TENM4: variants seen among roughly 807,000 people sequenced by gnomAD.
TENM4 encodes the protein teneurin-4.
In TENM4, 82 loss-of-function variants were observed where a neutral mutation model predicts 243.3. The observed-to-expected ratio is 0.34, with a 90% confidence interval of 0.28 to 0.40. TENM4 has a LOEUF of 0.40. Among genes scored for constraint, TENM4 ranks in the 10% least tolerant of loss-of-function variants. The probability of loss-of-function intolerance (pLI) is 1.00; values close to 1 mark genes in which losing one functional copy is unlikely to be tolerated. For missense variants in TENM4, 3,138 were observed against 3,673.3 expected, an observed-to-expected ratio of 0.85 and a Z score of 3.77; for synonymous variants, 1,412 against 1,456.3, an observed-to-expected ratio of 0.97 and a Z score of 0.69.
intron 2 of TENM4, among the ~76,000 whole-genome samples, chr11:79,228,590 A>G (rs2135255467): frequency 6.6e-6 from 1 of 152,250 alleles, no homozygotes; most frequent in Non-Finnish European, 1.5e-5. Context: ...GGTGAAGCTG[A>G]ACGCATTTGT....
At chr11:79,235,139 C>T (rs1169945096) in intron 2 of TENM4, among the ~76,000 whole-genome samples, 1 of 152,066 alleles carries the variant, frequency 6.6e-6, no homozygotes, top group Non-Finnish European at 1.5e-5. Flanking sequence ...CGGTGAAACC[C>T]CGTCTCTACT....
At chr11:78,908,731 C>T (rs1856118810) in intron 6 of TENM4, among the ~76,000 whole-genome samples, 1 of 152,202 alleles carries the variant, frequency 6.6e-6, no homozygotes, top group Non-Finnish European at 1.5e-5. Flanking sequence ...AAGATGAAAG[C>T]TCCTTTCTGC....
At chr11:79,396,308 G>A (rs1034263240) in intron 1 of TENM4, among the ~76,000 whole-genome samples, 2 of 152,078 alleles carry the variant, frequency 1.3e-5, no homozygotes, top group Non-Finnish European at 1.5e-5. Flanking sequence ...ATCTCTCATG[G>A]TTCTTTGTAT....
At chr11:79,310,171 T>TGCCAAATGAAACAGAG (rs2135411867) in intron 1 of TENM4, among the ~76,000 whole-genome samples, 1 of 152,154 alleles carries the variant, frequency 6.6e-6, no homozygotes, top group African/African-American at 2.4e-5. Context: ...TAGAAACAGA[T>TGCCAAATGAAACAGAG]GCCAAATGAA....
At chr11:79,431,279 C>G (rs1404711320) in intron 1 of TENM4, among the ~76,000 whole-genome samples, 3 of 152,178 alleles carry the variant, frequency 2.0e-5, no homozygotes, top group Non-Finnish European at 4.4e-5. Flanking sequence ...TCCCTTGTCA[C>G]AAAACACATT....
intron 4 of TENM4, among the ~76,000 whole-genome samples, chr11:79,078,606 C>T (rs180752957): frequency 2.6e-5 from 4 of 152,270 alleles, no homozygotes; most frequent in East Asian, 3.9e-4. Flanking sequence ...GACTGGAATC[C>T]GGGAGCTCTG....
At chr11:79,336,515 G>A (rs571132534) in intron 1 of TENM4, among the ~76,000 whole-genome samples, 1 of 152,158 alleles carries the variant, frequency 6.6e-6, no homozygotes, top group African/African-American at 2.4e-5. Context: ...GAATCGGCTG[G>A]TTATGTGCTT....
At chr11:79,011,981 C>T (rs971334216) in intron 6 of TENM4, among the ~76,000 whole-genome samples, 5 of 152,286 alleles carry the variant, frequency 3.3e-5, no homozygotes, top group South Asian at 2.1e-4. Flanking sequence ...CCCACCTCCA[C>T]GCATCTTTAT....
intron 6 of TENM4, among the ~76,000 whole-genome samples, chr11:79,054,692 C>T (rs572212821): frequency 3.9e-5 from 6 of 152,188 alleles, no homozygotes; most frequent in Middle Eastern, 3.4e-3. Context: ...GCGATCCTCC[C>T]GCCTTGGCCT....
intron 9 of TENM4, among the ~76,000 whole-genome samples, chr11:78,880,660 G>C (rs1238269730): frequency 6.6e-6 from 1 of 152,152 alleles, no homozygotes; most frequent in East Asian, 1.9e-4. Flanking sequence ...ATGATATGGA[G>C]GTCAAGGATA....
chr11:78,671,281 C>T (rs1015832023), intron 31 of TENM4, among the ~76,000 whole-genome samples: 8 of 89,786 alleles, frequency 8.9e-5, no homozygotes, highest in Non-Finnish European at 2.1e-4. Context: ...GGATGACCTC[C>T]AAGGTCTCTC....
At chr11:79,300,873 G>A (rs1255501718) in intron 1 of TENM4, among the ~76,000 whole-genome samples, 2 of 152,084 alleles carry the variant, frequency 1.3e-5, no homozygotes, top group Non-Finnish European at 2.9e-5. Context: ...ACAGAAAAGG[G>A]CACCACCAGA....
chr11:79,438,478 G>A lies in TENM4; in HGVS notation c.-321+2031C>T, dbSNP rs1275544090. Among the ~76,000 whole-genome samples, 1 of 152,164 alleles carries A rather than the reference G, an allele frequency of 6.6e-6. No homozygotes were observed. Among genetic ancestry groups the A allele is most frequent in the Non-Finnish European group, 1.5e-5 (1 of 68,038 alleles). On this transcript the variant is annotated intron_variant, in intron 1 of 33. Transcript: ENST00000278550. This position sits in a 1 kb window ranked among gnomAD's most constrained non-coding sequence, Gnocchi z 4.1. The stretch of plus-strand genomic sequence containing the variant: ...GGGCTAGCGCAGGAAACCAGGAATA[G>A]GTGTAGGTAAGGGTGGCAGCCCGGC...
chr11:79,065,174 CT>C (rs1400739425), intron 5 of TENM4, among the ~76,000 whole-genome samples, 167 bp from the exon 6 acceptor site: 1 of 152,194 alleles, frequency 6.6e-6, no homozygotes, highest in African/African-American at 2.4e-5. Flanking sequence ...GCCTGGAGGG[CT>C]TTTTCTGCCC....
At chr11:79,412,364 G>C (rs1041435940) in intron 1 of TENM4, among the ~76,000 whole-genome samples, 1 of 152,204 alleles carries the variant, frequency 6.6e-6, no homozygotes, top group Non-Finnish European at 1.5e-5. Flanking sequence ...CAGCCTTAGC[G>C]ACAGCCCTCG....
At chr11:79,103,386 G>T (rs1232776093) in intron 4 of TENM4, among the ~76,000 whole-genome samples, 2 of 152,196 alleles carry the variant, frequency 1.3e-5, no homozygotes, top group Non-Finnish European at 2.9e-5. Flanking sequence ...GGGCCATGTT[G>T]TAAGCATTTC....
At chr11:79,383,349 G>T (rs11237818) in intron 1 of TENM4, among the ~76,000 whole-genome samples, 13,375 of 152,204 alleles carry the variant, frequency 0.088, 618 homozygotes, top group East Asian at 0.13. Flanking sequence ...TGGGTGGTTT[G>T]GTTCCACCCC....
At chr11:78,775,628 G>C (rs1856726386) in intron 17 of TENM4, among the ~76,000 whole-genome samples, 1 of 152,182 alleles carries the variant, frequency 6.6e-6, no homozygotes, top group Admixed American at 6.5e-5. Context: ...GGCTCTTCCA[G>C]GATGACTTGC....
chr11:78,744,729 C>T (rs552702486), intron 19 of TENM4, among the ~76,000 whole-genome samples: 10 of 152,322 alleles, frequency 6.6e-5, no homozygotes, highest in African/African-American at 1.2e-4. Flanking sequence ...ATTTATAAAT[C>T]GCACACATGT....
Sources: allele counts gnomAD v4.1 joint callset (sites outside exome capture counted in the v4.1 genomes callset), GRCh38; gene constraint gnomAD v4.1.1; non-coding constraint Gnocchi (gnomAD v3.1); transcripts MANE v1.5; gene names NCBI Gene and HGNC (gene_info 2026-07-23, HGNC 2026-07-21).